The following HIBCH variants were observed in gnomAD, a reference collection of about 807,000 sequenced individuals.
HIBCH encodes 3-hydroxyisobutyryl-CoA hydrolase, mitochondrial.
A neutral mutation model predicts 58.2 loss-of-function variants in HIBCH; 50 were observed. That is an observed-to-expected ratio of 0.86 (90% confidence interval 0.68 to 1.09). The LOEUF is 1.09. Among genes scored for constraint, HIBCH ranks in the 50% least tolerant of loss-of-function variants. The pLI, the probability that HIBCH is intolerant of heterozygous loss-of-function variation, is 0.00. For synonymous variants in HIBCH, 151 were observed against 146.9 expected (o/e 1.03, Z -0.20); for missense variants, 450 against 449.7 (o/e 1.00, Z -0.01).
intron 6 of HIBCH, among the ~76,000 whole-genome samples, chr2:190,284,915 T>G (rs1687792068): frequency 6.6e-6 from 1 of 152,218 alleles, no homozygotes; most frequent in African/African-American, 2.4e-5. Context: ...TATCTGATCA[T>G]CATTTCTGTT....
rs1181663099 is a variant in HIBCH at position 190,254,561 on chromosome 2, AC to A, written c.518-2255del. Among the ~76,000 whole-genome samples the A allele has an allele frequency of 5.9e-5, 9 of 151,344 alleles. No individual in the cohort carries two copies. Among genetic ancestry groups the A allele is most frequent in the Non-Finnish European group, 1.3e-4 (9 of 68,030 alleles). On this transcript the variant is annotated intron_variant, in intron 7 of 13. Coordinates refer to ENST00000359678, the MANE Select transcript of HIBCH (RefSeq NM_014362.4). The surrounding 1 kb of genome is among the most constrained non-coding windows in gnomAD (Gnocchi z 5.0). ...CTGAACTCTTAGATCTGCCACCTAA[AC>A]AGAACCACATAGATAATAAGTATCT...
chr2:190,285,227 A>G (rs1041081333), intron 6 of HIBCH, among the ~76,000 whole-genome samples: 9 of 151,952 alleles, frequency 5.9e-5, no homozygotes, highest in Non-Finnish European at 1.0e-4. Context: ...CTTTCATCTG[A>G]GTTTGCTCTA....
intron 2 of HIBCH, among the ~76,000 whole-genome samples, chr2:190,308,931 T>C (rs1310549331): frequency 6.6e-6 from 1 of 152,180 alleles, no homozygotes; most frequent in Non-Finnish European, 1.5e-5. Flanking sequence ...CACCTCATAA[T>C]TACTAGCTGT....
intron 6 of HIBCH, among the ~76,000 whole-genome samples, chr2:190,272,635 A>G (rs1332847553): frequency 6.6e-6 from 1 of 152,078 alleles, no homozygotes; most frequent in Non-Finnish European, 1.5e-5. Flanking sequence ...ATATGGCCAA[A>G]GGAAATGGCC....
downstream of HIBCH, chr2:190,199,762 A>G (rs115187425): frequency 5.9e-6 from 9 of 1,535,084 alleles, no homozygotes; most frequent in Middle Eastern, 4.1e-4. Flanking sequence ...GGAGAGGGAA[A>G]GCACTGGTCA....
At chr2:190,227,025 T>A (rs1685924571) in intron 11 of HIBCH, among the ~76,000 whole-genome samples, 1 of 152,076 alleles carries the variant, frequency 6.6e-6, no homozygotes, top group Admixed American at 6.5e-5. Context: ...ATAGATTCAA[T>A]GCCATCCCCA....
intron 6 of HIBCH, among the ~76,000 whole-genome samples, chr2:190,264,523 G>C (rs1687177566): frequency 6.6e-6 from 1 of 151,914 alleles, no homozygotes; most frequent in South Asian, 2.1e-4. Context: ...GTTTTTTCTG[G>C]TTTATCTAGA....
chr2:190,253,140 T>C, intron 7 of HIBCH, among the ~76,000 whole-genome samples: 1 of 151,992 alleles, frequency 6.6e-6, no homozygotes. Flanking sequence ...AGTGAGCTAA[T>C]GCCACTGCAC....
At chr2:190,246,860 C>T (rs1399140181) in intron 9 of HIBCH, among the ~76,000 whole-genome samples, 2 of 152,104 alleles carry the variant, frequency 1.3e-5, no homozygotes, top group African/African-American at 4.8e-5. Context: ...GCAGGTGTGG[C>T]TGGATGGTAG....
At chr2:190,318,767 C>T (rs946624807) in intron 1 of HIBCH, among the ~76,000 whole-genome samples, 1 of 152,110 alleles carries the variant, frequency 6.6e-6, no homozygotes, top group African/African-American at 2.4e-5. Context: ...TTAGCATTTA[C>T]TAAATCTCTC....
Position 190,216,474 on chromosome 2 carries a change from T to A in HIBCH, c.892-3399A>T, listed in dbSNP as rs1422078964. ...GGTCTGGGGGGCTATATAAGTTAGA[T>A]CAGAGGGTTGTAAACTCAAATGACT... On this transcript the variant is annotated intron_variant, in intron 11 of 13. Transcript: ENST00000359678. This position sits in a 1 kb window ranked among gnomAD's most constrained non-coding sequence, Gnocchi z 4.2. 1.3e-5 allele frequency among the ~76,000 whole-genome samples: 2 copies of A among 152,022 alleles called. No individual in the cohort carries two copies. Among genetic ancestry groups the A allele is most frequent in the Non-Finnish European group, 2.9e-5 (2 of 68,006 alleles).
rs74683035 is a variant in HIBCH at position 190,247,744 on chromosome 2, C to T, written c.751-1532G>A. Among the ~76,000 whole-genome samples, 426 of 152,284 alleles carry T rather than the reference C, an allele frequency of 2.8e-3. 11 individuals are homozygous for T. In the East Asian group the frequency reaches 0.069, roughly 25 times the overall value. On this transcript the variant is annotated intron_variant, in intron 9 of 13. Transcript: ENST00000359678. ...TAAAATTTTACAGGCATAACCACTA[C>T]CAAGGTCAGCCAGTAGCCATCAACA... is the stretch of plus-strand genomic sequence containing the variant.
At chr2:190,213,688 A>G (rs1260678027) in intron 11 of HIBCH, 1 of 154,112 alleles carries the variant, frequency 6.5e-6, no homozygotes. Context: ...ATACTTCAAG[A>G]GCCCCTGAAC....
intron 1 of HIBCH, among the ~76,000 whole-genome samples, chr2:190,192,373 T>C (rs943754427): frequency 1.7e-4 from 26 of 152,088 alleles, no homozygotes; most frequent in African/African-American, 6.0e-4. Flanking sequence ...CATTAGATAA[T>C]AGGAGTACTC....
intron 6 of HIBCH, among the ~76,000 whole-genome samples, chr2:190,262,214 G>C (rs1453141792): frequency 6.7e-6 from 1 of 149,988 alleles, no homozygotes; most frequent in African/African-American, 2.5e-5. Context: ...TGAGAATGCT[G>C]CAGTCTGTAC....
Position 190,287,644 on chromosome 2 carries a change from A to G in HIBCH, c.386-6T>C. ...ATAAGGTTTCTGGCAAGAACCTGAAAGAAACAGAGCTGTAATTTTAGTTAC... is the reference window on the plus strand; with the variant it reads ...ATAAGGTTTCTGGCAAGAACCTGAAGGAAACAGAGCTGTAATTTTAGTTAC... On this transcript the variant is annotated splice_region_variant and splice_polypyrimidine_tract_variant and intron_variant, in intron 5 of 13. Transcript: ENST00000359678. 6.2e-7 allele frequency: 1 copy of G among 1,607,066 alleles called. No homozygotes were observed. Among genetic ancestry groups the G allele is most frequent in the Non-Finnish European group, 8.5e-7 (1 of 1,173,834 alleles).
At chr2:190,294,022 G>A (rs2664262) in intron 4 of HIBCH, among the ~76,000 whole-genome samples, 18,296 of 81,616 alleles carry the variant, frequency 0.22, 1,756 homozygotes, top group East Asian at 0.4. Flanking sequence ...TATTTTGTGT[G>A]TATATATATA....
chr2:190,215,995 A>C lies in HIBCH; in HGVS notation c.892-2920T>G, dbSNP rs1251091973. 1 of 152,580 alleles carries C rather than the reference A, an allele frequency of 6.6e-6. No homozygotes were observed. The highest frequency in any genetic ancestry group is 1.9e-4 in the East Asian group (1 of 5,216). 9.5% of individuals were successfully genotyped at this position (152,580 alleles called of 1,614,324 possible). On this transcript the variant is annotated intron_variant, in intron 11 of 13. Transcript: ENST00000359678. This position sits in a 1 kb window ranked among gnomAD's most constrained non-coding sequence, Gnocchi z 4.4. ...AGAAACTGAGTTTGAGGGAAAAAGG[A>C]AACAGGGGATGACAGAAAGAGAAAT...
chr2:190,200,571 G>GCGAGGGAATGGCACT (rs1264793069), downstream of HIBCH: 1 of 180,862 alleles, frequency 5.5e-6, no homozygotes, highest in Non-Finnish European at 1.3e-5. Flanking sequence ...AAATTTCTTG[G>GCGAGGGAATGGCACT]CGAGGGAATG....
Sources: gnomAD v4.1 joint callset for allele counts (sites outside exome capture counted in the v4.1 genomes callset) on GRCh38, gnomAD v4.1.1 for gene constraint, Gnocchi (gnomAD v3.1) non-coding constraint, MANE v1.5 for transcripts, NCBI Gene and HGNC (gene_info 2026-07-23, HGNC 2026-07-21) for gene names.